SNX5: variants seen among roughly 807,000 people sequenced by gnomAD.
SNX5 encodes sorting nexin 5.
In SNX5, 31 loss-of-function variants were observed where a neutral mutation model predicts 53.9. The ratio of observed to expected loss-of-function variants is 0.58; its 90% CI spans 0.43 to 0.78. SNX5 has a LOEUF of 0.78. Ranked by LOEUF, SNX5 falls within the 30% of genes least tolerant of loss-of-function variation. The pLI is 0.00. For missense variants in SNX5, 471 were observed against 478.8 expected, an observed-to-expected ratio of 0.98 and a Z score of 0.15; for synonymous variants, 168 against 171.1, an observed-to-expected ratio of 0.98 and a Z score of 0.14.
At chr20:17,962,097 A>G (rs545298893) in intron 1 of SNX5, 55 of 485,774 alleles carry the variant, frequency 1.1e-4, no homozygotes, top group Non-Finnish European at 1.4e-4. Context: ...CCTGAAGATA[A>G]CTAATACGTA....
At chr20:17,947,783 T>A in intron 10 of SNX5, 138 bp from the exon 11 acceptor site, 1 of 695,070 alleles carries the variant, frequency 1.4e-6, no homozygotes, top group Non-Finnish European at 2.2e-6. Flanking sequence ...TATTTTTAAA[T>A]CTCCAGCTTC....
chr20:17,957,531 C>T (rs1466534588), intron 1 of SNX5, among the ~76,000 whole-genome samples: 1 of 152,136 alleles, frequency 6.6e-6, no homozygotes, highest in Non-Finnish European at 1.5e-5. Context: ...ACCCATTCTT[C>T]ACATGCATTG....
intron 3 of SNX5, 49 bp downstream of exon 3, chr20:17,955,316 C>T (rs2122385264): frequency 7.5e-7 from 1 of 1,336,336 alleles, no homozygotes; most frequent in Non-Finnish European, 1.1e-6. Context: ...TAAACTAATG[C>T]ATAGCAAGGC....
At chr20:17,962,835 T>G (rs752631302) in intron 1 of SNX5, 2 of 519,072 alleles carry the variant, frequency 3.9e-6, no homozygotes, top group African/African-American at 3.8e-5. Flanking sequence ...CACTGCAGAC[T>G]GCAGGGCATT....
At chr20:17,951,210 T>G (rs1478896826) in intron 6 of SNX5, 3 of 325,128 alleles carry the variant, frequency 9.2e-6, no homozygotes, top group Non-Finnish European at 1.7e-5. Flanking sequence ...GATAAAATAC[T>G]GATCTTGTAC....
chr20:17,950,443 C>A, intron 6 of SNX5, 47 bp from the exon 7 acceptor site: 3 of 1,050,254 alleles, frequency 2.9e-6, no homozygotes, highest in South Asian at 1.3e-5. Context: ...AATATACTAT[C>A]CCTGCAGCCT....
chr20:17,955,465 G>C lies in SNX5; in HGVS notation c.167C>G (p.Pro56Arg). The C allele has an allele frequency of 6.2e-7, 1 of 1,613,688 alleles. No individual in the cohort carries two copies. The change falls in exon 3 of 13, where the codon CCC becomes CGC. Residue 56 changes from proline to arginine, a missense_variant. Pro to Arg is a moderately radical substitution (Grantham distance 103, BLOSUM62 -2). Transcript: ENST00000377759. The part of the protein sequence containing the change: ...KFTVHTKTTL[P>R]TFQSPEFSVT... Reference sequence around the variant, plus strand: ...AGAAAACTCTGGGCTCTGAAACGTGGGCAGTGTGGTCTGTAAAGAAAGAAA... The same window carrying C: ...AGAAAACTCTGGGCTCTGAAACGTGCGCAGTGTGGTCTGTAAAGAAAGAAA...
chr20:17,956,152 A>G (rs1256825834), intron 2 of SNX5, among the ~76,000 whole-genome samples: 4 of 152,168 alleles, frequency 2.6e-5, no homozygotes, highest in African/African-American at 4.8e-5. Context: ...AAATTTTAAA[A>G]AAACCTCTTA....
intron 1 of SNX5, chr20:17,967,966 G>C (rs1347335553): frequency 5.0e-6 from 2 of 397,820 alleles, no homozygotes; most frequent in Admixed American, 4.4e-5. Flanking sequence ...GTAAAAGGTG[G>C]GGGGAAGGAG....
rs1014670078 is a variant in SNX5 at position 17,952,807 on chromosome 20, C to T, written c.390-97G>A. The T allele has an allele frequency of 3.7e-5, 52 of 1,399,614 alleles. No individual in the cohort carries two copies. In the African/African-American group the frequency reaches 6.5e-4, roughly 17 times the overall value. 86.7% of individuals were successfully genotyped at this position (1,399,614 alleles called of 1,614,324 possible). A position where few individuals can be genotyped will look rare whatever the true frequency, so the allele number is the denominator to read the frequency against. Reference sequence around the variant, plus strand: ...TTCTATGGCCCTGCTCATGCCACCACATAAAACACTGCAACTGGACCAAAC... The same window carrying T: ...TTCTATGGCCCTGCTCATGCCACCATATAAAACACTGCAACTGGACCAAAC... On this transcript the variant is annotated intron_variant, in intron 4 of 12. Transcript: ENST00000377759.
At chr20:17,965,920 T>C (rs2035529452) in intron 1 of SNX5, among the ~76,000 whole-genome samples, 1 of 152,116 alleles carries the variant, frequency 6.6e-6, no homozygotes, top group Admixed American at 6.5e-5. Flanking sequence ...TTGGTCAAAG[T>C]TCAGGATTGT....
intron 12 of SNX5, chr20:17,942,772 T>A: frequency 2.8e-6 from 1 of 362,130 alleles, no homozygotes; most frequent in Non-Finnish European, 5.0e-6. Flanking sequence ...TTGCTAGAAA[T>A]TAGGGCTGGG....
intron 1 of SNX5, among the ~76,000 whole-genome samples, chr20:17,966,762 G>A (rs1292589333): frequency 6.6e-6 from 1 of 152,108 alleles, no homozygotes; most frequent in Admixed American, 6.6e-5. Context: ...CATTTCAGTT[G>A]ACTACCGAAA....
intron 1 of SNX5, 52 bp downstream of exon 1, chr20:17,968,323 C>T: frequency 8.1e-7 from 1 of 1,237,050 alleles, no homozygotes; most frequent in Admixed American, 4.2e-5. Flanking sequence ...TGCAGCGACC[C>T]CGGAGCTCGC....
At position 17,968,711 on chromosome 20, in the gene SNX5, T is replaced by C; in HGVS notation, c.-286A>G. ...CACGTGGGGCCTACCCTTGCTCCGC[T>C]CCACGAGGAGGCCGCCAACCGCAGG... is the stretch of plus-strand genomic sequence containing the variant. On this transcript the variant is annotated 5_prime_UTR_variant, in exon 1 of 13. Transcript: ENST00000377759. 1 of 448,932 alleles carries C rather than the reference T, an allele frequency of 2.2e-6. No homozygotes were observed. The highest frequency in any genetic ancestry group is 4.6e-5 in the East Asian group (1 of 21,972). The allele number at this position is 448,932 out of a possible 1,614,324, so 27.8% of individuals were successfully genotyped here. A position where few individuals can be genotyped will look rare whatever the true frequency, so the allele number is the denominator to read the frequency against.
At chr20:17,946,420 A>C (rs183629915) in intron 11 of SNX5, among the ~76,000 whole-genome samples, 2 of 152,340 alleles carry the variant, frequency 1.3e-5, no homozygotes, top group Admixed American at 6.5e-5. Flanking sequence ...CACTCTAAAA[A>C]AGACGGGTTA....
chr20:17,955,471 G>A lies in SNX5; in HGVS notation c.161C>T (p.Thr54Ile). The change falls in exon 3 of 13, where the codon ACA (threonine) becomes ATA (isoleucine). Residue 54 changes from threonine to isoleucine, a missense_variant. Transcript: ENST00000377759. ...CTCTGGGCTCTGAAACGTGGGCAGT[G>A]TGGTCTGTAAAGAAAGAAAGAAGTT... Reference protein sequence around the residue: ...KVKFTVHTKTTLPTFQSPEFS... With the variant: ...KVKFTVHTKTILPTFQSPEFS... 6.2e-7 allele frequency: 1 copy of A among 1,612,840 alleles called. No homozygotes were observed. The highest frequency in any genetic ancestry group is 8.5e-7 in the Non-Finnish European group (1 of 1,179,012).
At chr20:17,960,621 A>G (rs1463283102) in intron 1 of SNX5, among the ~76,000 whole-genome samples, 1 of 151,762 alleles carries the variant, frequency 6.6e-6, no homozygotes, top group Non-Finnish European at 1.5e-5. Flanking sequence ...AAAAAAACAC[A>G]CACAAATTAG....
chr20:17,948,820 T>C (rs1600335858), intron 10 of SNX5, 70 bp downstream of exon 10: 1 of 1,235,538 alleles, frequency 8.1e-7, no homozygotes, highest in East Asian at 2.3e-5. Context: ...TGCTCCTTTG[T>C]ATAAAGAAAC....
Sources: allele counts gnomAD v4.1 joint callset (sites outside exome capture counted in the v4.1 genomes callset), GRCh38; gene constraint gnomAD v4.1.1; transcripts MANE v1.5; gene names NCBI Gene and HGNC (gene_info 2026-07-23, HGNC 2026-07-21).